Variants in PTPRT observed in about 807,000 individuals in gnomAD.
The protein encoded by PTPRT is protein tyrosine phosphatase receptor type T.
PTPRT carries 56 observed loss-of-function variants against 176.8 expected under a neutral mutation model. The observed-to-expected ratio is 0.32, with a 90% confidence interval of 0.26 to 0.40. PTPRT has a LOEUF of 0.40. PTPRT is among the 10% of genes least tolerant of loss of function. The pLI is 1.00. For missense variants in PTPRT, 1,540 were observed against 1,908.2 expected (o/e 0.81, Z 3.60); for synonymous variants, 783 against 739.0 (o/e 1.06, Z -0.96).
At chr20:42,842,419 T>C (rs930691478) in intron 2 of PTPRT, among the ~76,000 whole-genome samples, 2 of 151,796 alleles carry the variant, frequency 1.3e-5, no homozygotes, top group Non-Finnish European at 2.9e-5. Flanking sequence ...TTTATTTATT[T>C]TTATTTTTAT....
intron 7 of PTPRT, among the ~76,000 whole-genome samples, chr20:42,566,019 G>A (rs942282808): frequency 6.6e-6 from 1 of 152,110 alleles, no homozygotes; most frequent in Non-Finnish European, 1.5e-5. Context: ...CTCAGCTAGA[G>A]AGTATATTTC....
chr20:42,496,220 G>A (rs1411005150), intron 7 of PTPRT, among the ~76,000 whole-genome samples: 1 of 152,090 alleles, frequency 6.6e-6, no homozygotes, highest in African/African-American at 2.4e-5. Flanking sequence ...TGGCAGAAGT[G>A]GAAGAAGTGG....
chr20:42,244,550 T>A (rs993216682), intron 14 of PTPRT, among the ~76,000 whole-genome samples: 1 of 152,168 alleles, frequency 6.6e-6, no homozygotes, highest in Non-Finnish European at 1.5e-5. Context: ...GACGGGTTAG[T>A]GTAGGATCCA....
rs147486420 is a variant in PTPRT, at chr20:42,671,909, A to G, written c.1153+5957T>C. Among the ~76,000 whole-genome samples, 1,236 of 152,346 alleles carry G rather than the reference A, an allele frequency of 8.1e-3. 6 individuals carry two copies. Among genetic ancestry groups the G allele is most frequent in the Non-Finnish European group, 0.013 (896 of 68,028 alleles). On this transcript the variant is annotated intron_variant, in intron 7 of 30. Coordinates refer to ENST00000373187, the MANE Select transcript of PTPRT (RefSeq NM_007050.6). ...CCTTTGATCCTAAAGTCCAAGTGAA[A>G]TCAGGTAGTCCGCATGGAAGAGGCA...
At chr20:42,969,891 C>T (rs1020719919) in intron 1 of PTPRT, among the ~76,000 whole-genome samples, 7 of 152,012 alleles carry the variant, frequency 4.6e-5, no homozygotes, top group Admixed American at 2.0e-4. Flanking sequence ...AATCTAAATC[C>T]GAGCACATTT....
chr20:42,700,671 G>A (rs945960334), intron 6 of PTPRT, among the ~76,000 whole-genome samples: 1 of 152,176 alleles, frequency 6.6e-6, no homozygotes, highest in Non-Finnish European at 1.5e-5. Context: ...GCCCTGGGCT[G>A]GGAGTCAGAA....
At chr20:43,032,639 G>A (rs1986193514) in intron 1 of PTPRT, among the ~76,000 whole-genome samples, 1 of 152,016 alleles carries the variant, frequency 6.6e-6, no homozygotes, top group Non-Finnish European at 1.5e-5. Flanking sequence ...GAGTCCACAG[G>A]GGAATTGGAA....
chr20:42,202,849 A>T (rs1991506540), intron 15 of PTPRT, among the ~76,000 whole-genome samples: 1 of 152,194 alleles, frequency 6.6e-6, no homozygotes, highest in South Asian at 2.1e-4. Context: ...TCTTAGGCAC[A>T]GATCATTGGT....
In PTPRT at chr20:42,084,831, A is replaced by G. The variant is rs372337617; in HGVS notation, c.3987T>C (p.Tyr1329=). 43 of 1,453,332 alleles carry G rather than the reference A, an allele frequency of 3.0e-5. 1 individual carries two copies. In the Middle Eastern group the frequency reaches 5.5e-4, roughly 19 times the overall value. 90.0% of individuals were successfully genotyped at this position (1,453,332 alleles called of 1,614,324 possible). A position where few individuals can be genotyped will look rare whatever the true frequency, so the allele number is the denominator to read the frequency against. Residue 1329 remains tyrosine, a synonymous_variant, in exon 29 of 31, where the codon TAT becomes TAC. Coordinates refer to ENST00000373187, the MANE Select transcript of PTPRT (RefSeq NM_007050.6). Reference sequence around the variant, plus strand: ...TGTACTGGAGGTGCTGGACTATACGATAACCATCCTGTGGCTGAGAACAGA... The same window carrying G: ...TGTACTGGAGGTGCTGGACTATACGGTAACCATCCTGTGGCTGAGAACAGA... The part of the protein sequence containing the change: ...ICNMARPQDG[Y]RIVQHLQYIG...
chr20:42,107,197 T>A, intron 23 of PTPRT, among the ~76,000 whole-genome samples: 1 of 150,352 alleles, frequency 6.7e-6, no homozygotes, highest in Admixed American at 6.7e-5. Flanking sequence ...TAGATATGTC[T>A]TTCCTATTTT....
At chr20:42,393,784 A>G (rs532302618) in intron 9 of PTPRT, among the ~76,000 whole-genome samples, 47 of 152,300 alleles carry the variant, frequency 3.1e-4, no homozygotes, top group African/African-American at 1.1e-3. Context: ...TAAGCCCTGT[A>G]ATTTTTAGTG....
the PTPRT span, among the ~76,000 whole-genome samples, chr20:42,035,895 G>A: frequency 3.3e-5 from 5 of 152,310 alleles, no homozygotes; most frequent in Admixed American, 2.0e-4. Flanking sequence ...GCAATGGGGA[G>A]TTCATTCATT....
At chr20:42,531,891 C>T (rs961665317) in intron 7 of PTPRT, among the ~76,000 whole-genome samples, 3 of 152,206 alleles carry the variant, frequency 2.0e-5, no homozygotes, top group African/African-American at 4.8e-5. Context: ...AGGGAAGGGA[C>T]TCAGCCAAGC....
At chr20:42,694,077 C>T (rs1208348748) in intron 6 of PTPRT, among the ~76,000 whole-genome samples, 4 of 144,240 alleles carry the variant, frequency 2.8e-5, no homozygotes, top group African/African-American at 1.0e-4. Flanking sequence ...CTCGCTCTGT[C>T]GCCCAGGCTG....
intron 7 of PTPRT, among the ~76,000 whole-genome samples, chr20:42,658,334 G>T (rs1210817137): frequency 6.6e-6 from 1 of 152,160 alleles, no homozygotes; most frequent in Non-Finnish European, 1.5e-5. Context: ...CCTGAACAAA[G>T]CTCATTTAAT....
intron 2 of PTPRT, among the ~76,000 whole-genome samples, chr20:42,855,034 G>T (rs1285474333): frequency 6.6e-6 from 1 of 152,180 alleles, no homozygotes; most frequent in Non-Finnish European, 1.5e-5. Context: ...GCATCGTTGG[G>T]TAACCCAGGA....
chr20:42,769,338 G>A (rs767245787), intron 5 of PTPRT, among the ~76,000 whole-genome samples: 1 of 152,202 alleles, frequency 6.6e-6, no homozygotes, highest in African/African-American at 2.4e-5. Context: ...AAAGTGTGTG[G>A]AGAGACAGCT....
chr20:42,514,968 A>G (rs563283073), intron 7 of PTPRT, among the ~76,000 whole-genome samples: 75 of 152,246 alleles, frequency 4.9e-4, no homozygotes, highest in African/African-American at 1.8e-3. Flanking sequence ...GAGGGCAGCA[A>G]TCTTCATGAT....
chr20:42,130,378 G>A (rs752759960), intron 18 of PTPRT, among the ~76,000 whole-genome samples: 1 of 152,174 alleles, frequency 6.6e-6, no homozygotes, highest in African/African-American at 2.4e-5. Context: ...TGGGATTCTA[G>A]TAGGAGCTGG....
Sources: gnomAD v4.1 joint callset for allele counts (sites outside exome capture counted in the v4.1 genomes callset) on GRCh38, gnomAD v4.1.1 for gene constraint, MANE v1.5 for transcripts, NCBI Gene and HGNC (gene_info 2026-07-23, HGNC 2026-07-21) for gene names.